Variants in ANK1 observed in about 807,000 individuals in gnomAD.
ANK1 encodes ankyrin 1.
ANK1 carries 51 observed loss-of-function variants against 210.4 expected under a neutral mutation model. The observed-to-expected ratio is 0.24, with a 90% CI of 0.19 to 0.31. ANK1 has a LOEUF of 0.31. ANK1 is among the 10% of genes least tolerant of loss of function. The pLI is 1.00. For synonymous variants in ANK1, 967 were observed against 1,025.9 expected (o/e 0.94, Z 1.10); for missense variants, 2,051 against 2,504.4 (o/e 0.82, Z 3.86).
Position 41,687,740 on chromosome 8 carries a change from T to C in ANK1, c.4258+416A>G, listed in dbSNP as rs188192983. ...ACAGGGAGAATCCAGTTCTAGGGTCTGTGGTTGGGCACAGCACATTCTGAG... is the reference window on the plus strand; with the variant it reads ...ACAGGGAGAATCCAGTTCTAGGGTCCGTGGTTGGGCACAGCACATTCTGAG... On this transcript the variant is annotated intron_variant, in intron 35 of 42. Coordinates refer to ENST00000289734, the MANE Select transcript of ANK1 (RefSeq NM_000037.4). Among the ~76,000 whole-genome samples, 232 of 152,382 alleles carry C rather than the reference T, an allele frequency of 1.5e-3. 1 individual carries two copies. The highest frequency in any genetic ancestry group is 2.8e-3 in the Non-Finnish European group (188 of 68,032).
chr8:41,708,464 G>A lies in ANK1; in HGVS notation c.1998+314C>T, dbSNP rs76965178. On this transcript the variant is annotated intron_variant, in intron 17 of 42. Transcript: ENST00000289734. ...GAATGCACTCCTGAAGGTAGGCACC[G>A]GCCTATATTTGGGAAAGTTTATTAT... Among the ~76,000 whole-genome samples, 260 of 152,218 alleles carry A rather than the reference G, an allele frequency of 1.7e-3. 1 individual carries two copies. The highest frequency in any genetic ancestry group is 6.0e-3 in the African/African-American group (249 of 41,532).
chr8:41,845,468 C>A (rs1809838367), intron 1 of ANK1, among the ~76,000 whole-genome samples: 1 of 151,840 alleles, frequency 6.6e-6, no homozygotes. Context: ...CTTTTCATTT[C>A]TCCTGCTTGC....
intron 2 of ANK1, among the ~76,000 whole-genome samples, chr8:41,750,056 A>G (rs1837300970): frequency 6.6e-6 from 1 of 152,254 alleles, no homozygotes; most frequent in Non-Finnish European, 1.5e-5. Context: ...CTAAGATTCT[A>G]TAGCTTGGAA....
chr8:41,824,641 A>G (rs556669765), intron 1 of ANK1, among the ~76,000 whole-genome samples: 10 of 152,292 alleles, frequency 6.6e-5, no homozygotes, highest in Admixed American at 5.2e-4. Flanking sequence ...CGAATTCTAA[A>G]TAAGTGTCCC....
chr8:41,785,774 A>G (rs1171626032), intron 1 of ANK1, among the ~76,000 whole-genome samples: 1 of 151,986 alleles, frequency 6.6e-6, no homozygotes, highest in Non-Finnish European at 1.5e-5. Flanking sequence ...CAGATCACTC[A>G]CTGCAAGGGT....
At chr8:41,699,240 G>C (rs992125075) in intron 23 of ANK1, among the ~76,000 whole-genome samples, 1 of 152,176 alleles carries the variant, frequency 6.6e-6, no homozygotes, top group African/African-American at 2.4e-5. Flanking sequence ...GGAGCAGAGA[G>C]GCGTCCAGGC....
chr8:41,827,123 T>C (rs1349568845), intron 1 of ANK1, among the ~76,000 whole-genome samples: 1 of 152,258 alleles, frequency 6.6e-6, no homozygotes, highest in Non-Finnish European at 1.5e-5. Context: ...CTCAGTAATA[T>C]TTGCTGATTT....
At chr8:41,661,823 T>C (rs1352407097) in intron 41 of ANK1, 53 bp downstream of exon 41, 1 of 1,614,032 alleles carries the variant, frequency 6.2e-7, no homozygotes, top group South Asian at 1.1e-5. Flanking sequence ...CATAAAGTAA[T>C]CAATATCGAC....
At chr8:41,862,647 G>A (rs1466888408) in intron 1 of ANK1, among the ~76,000 whole-genome samples, 1 of 137,106 alleles carries the variant, frequency 7.3e-6, no homozygotes, top group African/African-American at 2.8e-5. Context: ...GGGGTTGAGA[G>A]AGGAGGCTCA....
chr8:41,745,582 G>A (rs1835908657), intron 2 of ANK1, among the ~76,000 whole-genome samples: 1 of 152,160 alleles, frequency 6.6e-6, no homozygotes, highest in East Asian at 1.9e-4. Context: ...GGAGAGGAGT[G>A]ATGTTGTGGG....
chr8:41,756,380 GTGAT>G (rs1839164012), intron 2 of ANK1, among the ~76,000 whole-genome samples: 1 of 150,382 alleles, frequency 6.6e-6, no homozygotes, highest in Non-Finnish European at 1.5e-5. Context: ...TTCTGACCTC[GTGAT>G]CTGCCTGCCT....
At chr8:41,881,766 G>C (rs1243627453) in intron 1 of ANK1, among the ~76,000 whole-genome samples, 1 of 152,198 alleles carries the variant, frequency 6.6e-6, no homozygotes, top group Non-Finnish European at 1.5e-5. Context: ...ACGTGAGCAA[G>C]GGACTTCACC....
intron 3 of ANK1, among the ~76,000 whole-genome samples, chr8:41,729,576 G>C (rs1032325829): frequency 1.3e-5 from 2 of 152,196 alleles, no homozygotes; most frequent in African/African-American, 4.8e-5. Flanking sequence ...TTTTTTTGTA[G>C]AGATGGGCTC....
intron 1 of ANK1, among the ~76,000 whole-genome samples, chr8:41,867,006 A>G (rs1814587294): frequency 6.6e-6 from 1 of 152,166 alleles, no homozygotes; most frequent in Non-Finnish European, 1.5e-5. Flanking sequence ...TGGTGATTCT[A>G]TTTTTAATTT....
chr8:41,677,295 C>T (rs772721642), intron 37 of ANK1, among the ~76,000 whole-genome samples: 3 of 152,062 alleles, frequency 2.0e-5, no homozygotes, highest in African/African-American at 7.2e-5. Context: ...TTCAAATCAC[C>T]AGCTTTTGGT....
chr8:41,786,949 C>T (rs1225959425), intron 1 of ANK1, among the ~76,000 whole-genome samples: 3 of 152,248 alleles, frequency 2.0e-5, no homozygotes, highest in Non-Finnish European at 4.4e-5. Context: ...AATCACTCAA[C>T]ACAGCAAGGT....
At chr8:41,661,336 T>C (rs1244576215) in intron 42 of ANK1, 94 bp downstream of exon 42, 7 of 1,531,282 alleles carry the variant, frequency 4.6e-6, no homozygotes, top group Non-Finnish European at 6.2e-6. Context: ...TCCCACATCA[T>C]GCTGGGGTGG....
At chr8:41,894,638 G>A (rs1380795475) in intron 1 of ANK1, among the ~76,000 whole-genome samples, 1 of 152,148 alleles carries the variant, frequency 6.6e-6, no homozygotes, top group Non-Finnish European at 1.5e-5. Flanking sequence ...AGAGAGAGGT[G>A]GATGAGAACA....
At chr8:41,747,279 A>G (rs1836431469) in intron 2 of ANK1, among the ~76,000 whole-genome samples, 2 of 152,122 alleles carry the variant, frequency 1.3e-5, no homozygotes, top group African/African-American at 4.8e-5. Flanking sequence ...CATCACAACC[A>G]TGGGATCTGC....
Sources: gnomAD v4.1 joint callset for allele counts (sites outside exome capture counted in the v4.1 genomes callset) on GRCh38, gnomAD v4.1.1 for gene constraint, MANE v1.5 for transcripts, NCBI Gene and HGNC (gene_info 2026-07-23, HGNC 2026-07-21) for gene names.